PPARGC1A: variants seen among roughly 807,000 people sequenced by gnomAD.
PPARGC1A encodes the protein peroxisome proliferator-activated receptor gamma coactivator 1-alpha.
PPARGC1A carries 25 observed loss-of-function variants against 88.7 expected under a neutral mutation model. The observed-to-expected ratio is 0.28, with a 90% CI of 0.21 to 0.39. The LOEUF is 0.39. Among genes scored for constraint, PPARGC1A ranks in the 10% least tolerant of loss-of-function variants. The pLI, the probability that PPARGC1A is intolerant of heterozygous loss-of-function variation, is 1.00. For missense variants in PPARGC1A, 880 were observed against 968.7 expected, an observed-to-expected ratio of 0.91 and a Z score of 1.22; for synonymous variants, 363 against 355.6, an observed-to-expected ratio of 1.02 and a Z score of -0.24.
At chr4:24,060,871 GAA>G in the PPARGC1A span, among the ~76,000 whole-genome samples, 3 of 152,114 alleles carry the variant, frequency 2.0e-5, no homozygotes, top group Non-Finnish European at 4.4e-5. Flanking sequence ...TGTTTCACAT[GAA>G]TTAACCATTT....
the PPARGC1A span, among the ~76,000 whole-genome samples, chr4:24,045,521 G>A: frequency 7.2e-5 from 11 of 152,208 alleles, no homozygotes; most frequent in African/African-American, 2.6e-4. Flanking sequence ...ATCCTCTATG[G>A]CCTCTTCTAG....
chr4:24,397,976 A>C, the PPARGC1A span, among the ~76,000 whole-genome samples: 23 of 152,316 alleles, frequency 1.5e-4, no homozygotes, highest in African/African-American at 5.5e-4. Flanking sequence ...TGAGCTTGCC[A>C]TGTGTCTCAT....
At chr4:24,468,137 G>A in the PPARGC1A span, among the ~76,000 whole-genome samples, 2 of 152,174 alleles carry the variant, frequency 1.3e-5, no homozygotes, top group Non-Finnish European at 2.9e-5. Context: ...AGCTAATAAG[G>A]TGACCTGGGT....
upstream of PPARGC1A, chr4:23,904,017 A>T (rs1016580790): frequency 2.0e-6 from 2 of 976,212 alleles, no homozygotes; most frequent in Non-Finnish European, 2.4e-6. Flanking sequence ...TCCATAGATG[A>T]TAACCCCAAC....
the PPARGC1A span, among the ~76,000 whole-genome samples, chr4:24,045,335 C>G: frequency 6.6e-6 from 1 of 152,200 alleles, no homozygotes; most frequent in African/African-American, 2.4e-5. Context: ...TGCCAGAACA[C>G]TTCTTGTGTT....
the PPARGC1A span, among the ~76,000 whole-genome samples, chr4:24,096,813 AAT>A: frequency 6.6e-6 from 1 of 152,214 alleles, no homozygotes; most frequent in Non-Finnish European, 1.5e-5. Flanking sequence ...ACTAATAAGA[AAT>A]AGAGTTTTAG....
At chr4:24,262,127 C>T in the PPARGC1A span, among the ~76,000 whole-genome samples, 7 of 152,266 alleles carry the variant, frequency 4.6e-5, no homozygotes, top group African/African-American at 7.2e-5. Context: ...ACGCACCCCC[C>T]GCCCCATAAC....
At chr4:23,867,230 A>G (rs1471765825) in intron 2 of PPARGC1A, among the ~76,000 whole-genome samples, 2 of 152,148 alleles carry the variant, frequency 1.3e-5, no homozygotes, top group African/African-American at 4.8e-5. Flanking sequence ...GCATCCCCTT[A>G]TTTTATAATT....
the PPARGC1A span, among the ~76,000 whole-genome samples, chr4:24,457,552 T>C: frequency 1.3e-5 from 2 of 151,784 alleles, no homozygotes; most frequent in Non-Finnish European, 2.9e-5. Context: ...TGTTTGTTTG[T>C]TTGTTTGTTT....
chr4:24,063,641 C>T, the PPARGC1A span, among the ~76,000 whole-genome samples: 24 of 152,126 alleles, frequency 1.6e-4, no homozygotes, highest in Non-Finnish European at 2.5e-4. Context: ...ATTTTTATGA[C>T]GTTGCAGCTT....
At chr4:24,257,630 G>A in the PPARGC1A span, among the ~76,000 whole-genome samples, 1 of 152,092 alleles carries the variant, frequency 6.6e-6, no homozygotes, top group African/African-American at 2.4e-5. Flanking sequence ...CTGTAACCTG[G>A]TTAAGAAGGG....
At chr4:23,810,034 CT>C (rs1720594418) in intron 10 of PPARGC1A, among the ~76,000 whole-genome samples, 2 of 152,180 alleles carry the variant, frequency 1.3e-5, no homozygotes, top group Admixed American at 6.5e-5. Flanking sequence ...GGGACGATGT[CT>C]TTCCTAATTT....
chr4:23,867,035 A>T (rs2148742696), intron 2 of PPARGC1A, among the ~76,000 whole-genome samples: 1 of 152,246 alleles, frequency 6.6e-6, no homozygotes, highest in South Asian at 2.1e-4. Context: ...AAGAGGTGGG[A>T]AGTGCAGTTT....
At chr4:24,010,288 ACAATAGACCGCT>A in the PPARGC1A span, among the ~76,000 whole-genome samples, 1 of 152,204 alleles carries the variant, frequency 6.6e-6, no homozygotes, top group African/African-American at 2.4e-5. Flanking sequence ...TACCTAGAAC[ACAATAGACCGCT>A]CAATAGACAA....
the PPARGC1A span, among the ~76,000 whole-genome samples, chr4:24,070,225 T>G: frequency 6.6e-6 from 1 of 152,340 alleles, no homozygotes; most frequent in South Asian, 2.1e-4. Context: ...TCACTGGGCC[T>G]ACTTCTGAGG....
chr4:24,241,674 T>C, the PPARGC1A span, among the ~76,000 whole-genome samples: 1 of 152,352 alleles, frequency 6.6e-6, no homozygotes, highest in South Asian at 2.1e-4. Flanking sequence ...GTTTTGTCAA[T>C]GGGACGCCAA....
chr4:24,033,512 G>A, the PPARGC1A span, among the ~76,000 whole-genome samples: 1 of 152,088 alleles, frequency 6.6e-6, no homozygotes, highest in Non-Finnish European at 1.5e-5. Context: ...TGTCACAGGG[G>A]AAAATAATCT....
At chr4:24,119,650 A>G in the PPARGC1A span, among the ~76,000 whole-genome samples, 1 of 151,052 alleles carries the variant, frequency 6.6e-6, no homozygotes, top group Non-Finnish European at 1.5e-5. Context: ...TTATAAATTA[A>G]CGATTGGAGG....
chr4:24,122,909 G>C, the PPARGC1A span, among the ~76,000 whole-genome samples: 1 of 152,106 alleles, frequency 6.6e-6, no homozygotes, highest in Non-Finnish European at 1.5e-5. Flanking sequence ...AGAAGACCCC[G>C]GGATAACATG....
Sources: allele counts gnomAD v4.1 joint callset (sites outside exome capture counted in the v4.1 genomes callset), GRCh38; gene constraint gnomAD v4.1.1; transcripts MANE v1.5; gene names NCBI Gene and HGNC (gene_info 2026-07-23, HGNC 2026-07-21).